The following FCHO1 variants were observed in gnomAD, a reference collection of about 807,000 sequenced individuals.
FCHO1 encodes F-BAR domain only protein 1.
FCHO1 carries 45 observed loss-of-function variants against 114.4 expected under a neutral mutation model. The ratio of observed to expected loss-of-function variants is 0.39; its 90% CI spans 0.31 to 0.50. The LOEUF is 0.50. FCHO1 is among the 20% of genes least tolerant of loss of function. The probability of loss-of-function intolerance (pLI) is 0.77; values close to 1 mark genes in which losing one functional copy is unlikely to be tolerated. For synonymous variants in FCHO1, 480 were observed against 488.9 expected (o/e 0.98, Z 0.24); for missense variants, 1,042 against 1,209.6 (o/e 0.86, Z 2.06).
At chr19:17,769,612 C>T (rs1432054557) in intron 7 of FCHO1, among the ~76,000 whole-genome samples, 3 of 149,692 alleles carry the variant, frequency 2.0e-5, no homozygotes, top group Non-Finnish European at 4.5e-5. Context: ...CACACACACA[C>T]ACACACACAC....
At chr19:17,755,626 A>T (rs2083211321) in intron 4 of FCHO1, 1 of 159,464 alleles carries the variant, frequency 6.3e-6, no homozygotes, top group African/African-American at 2.4e-5. Context: ...TCCAGGCTGG[A>T]GATCACCTCC....
At chr19:17,771,605 C>T (rs537583885) in intron 9 of FCHO1, among the ~76,000 whole-genome samples, 101 of 151,176 alleles carry the variant, frequency 6.7e-4, no homozygotes, top group African/African-American at 2.3e-3. Flanking sequence ...GGAGGCGGAG[C>T]TTGCAGTGAG....
intron 4 of FCHO1, among the ~76,000 whole-genome samples, chr19:17,758,143 A>T (rs949576412): frequency 8.5e-5 from 13 of 152,110 alleles, no homozygotes; most frequent in African/African-American, 2.9e-4. Flanking sequence ...TGAACCCAGG[A>T]GACAGAGCTT....
intron 4 of FCHO1, among the ~76,000 whole-genome samples, chr19:17,760,102 A>G (rs2085477872): frequency 6.7e-6 from 1 of 150,054 alleles, no homozygotes; most frequent in Admixed American, 6.7e-5. Flanking sequence ...CCCAGGCTGG[A>G]GTGCAATGGC....
At chr19:17,751,428 G>C (rs2081932551), upstream of FCHO1, 1 of 150,630 alleles carries the variant, frequency 6.6e-6, no homozygotes, top group Non-Finnish European at 1.5e-5. The surrounding 1 kb of genome is among the most constrained non-coding windows in gnomAD (Gnocchi z 4.4). Flanking sequence ...GTGGCGGTTG[G>C]ATGGTAGGCG....
upstream of FCHO1, among the ~76,000 whole-genome samples, chr19:17,748,766 T>C (rs2081223600): frequency 6.6e-6 from 1 of 152,188 alleles, no homozygotes; most frequent in African/African-American, 2.4e-5. Context: ...AGCACCTTTC[T>C]GAACCTCGGT....
At chr19:17,763,437 T>C (rs2087240377) in intron 5 of FCHO1, among the ~76,000 whole-genome samples, 1 of 151,816 alleles carries the variant, frequency 6.6e-6, no homozygotes, top group African/African-American at 2.4e-5. Flanking sequence ...CTAATTTTTT[T>C]ATTTTTAGTA....
chr19:17,784,068 C>T lies in FCHO1; in HGVS notation c.2094-35C>T. On this transcript the variant is annotated intron_variant, in intron 24 of 28. Transcript: ENST00000596536. This position sits in a 1 kb window ranked among gnomAD's most constrained non-coding sequence, Gnocchi z 5.3. ...GCTGGGAGCCCTGGGAGGGCATGTC[C>T]CGAGGATTGGGGTGATCAGTCCGGG... The T allele has an allele frequency of 6.3e-7, 1 of 1,594,098 alleles. No individual in the cohort carries two copies. The highest frequency in any genetic ancestry group is 8.6e-7 in the Non-Finnish European group (1 of 1,166,118).
At chr19:17,774,502 C>G (rs909074775) in intron 13 of FCHO1, 24 bp downstream of exon 13, 3 of 1,595,774 alleles carry the variant, frequency 1.9e-6, no homozygotes, top group Non-Finnish European at 2.6e-6. Flanking sequence ...CCTGCCCGGT[C>G]TGGCCCAGGC....
Position 17,776,195 on chromosome 19 carries a change from AG to A in FCHO1, c.1182+35del. On this transcript the variant is annotated intron_variant, in intron 16 of 28. Coordinates refer to ENST00000596536, the MANE Select transcript of FCHO1 (RefSeq NM_015122.3). The surrounding 1 kb of genome is among the most constrained non-coding windows in gnomAD (Gnocchi z 4.4). Reference sequence around the variant, plus strand: ...TGGGAGGGGTGCCCTGGGTGTTGCTAGAGAGGCTGGCTGGATGCATTCGTGT... The same window carrying A: ...TGGGAGGGGTGCCCTGGGTGTTGCTAAGAGGCTGGCTGGATGCATTCGTGT... 4.3e-6 allele frequency: 7 copies of A among 1,614,038 alleles called. No individual in the cohort carries two copies. Among genetic ancestry groups the A allele is most frequent in the Non-Finnish European group, 5.9e-6 (7 of 1,179,974 alleles).
chr19:17,748,447 G>A (rs1433336636), upstream of FCHO1, among the ~76,000 whole-genome samples: 3 of 151,826 alleles, frequency 2.0e-5, no homozygotes, highest in Non-Finnish European at 4.4e-5. Context: ...GGTCACTGTG[G>A]GGTCCCCTGC....
intron 9 of FCHO1, among the ~76,000 whole-genome samples, 171 bp from the exon 10 acceptor site, chr19:17,772,286 G>A (rs2091807249): frequency 6.6e-6 from 1 of 152,186 alleles, no homozygotes; most frequent in South Asian, 2.1e-4. Flanking sequence ...GAATGGAAGT[G>A]CCTTTTCCTG....
chr19:17,770,678 T>G lies in FCHO1; in HGVS notation c.489+101T>G. ...ATCCCAGAGCGACGGTCCTGGAACC[T>G]GTGGGTGATCACACCCTGGGTACCC... On this transcript the variant is annotated intron_variant, in intron 8 of 28. Transcript: ENST00000596536. 3.2e-6 allele frequency: 5 copies of G among 1,578,662 alleles called. No homozygotes were observed. The Admixed American group carries it at 8.6e-5, about 27-fold the overall frequency.
intron 19 of FCHO1, 150 bp from the exon 20 acceptor site, chr19:17,778,459 C>T (rs2092932686): frequency 1.9e-5 from 18 of 932,534 alleles, no homozygotes; most frequent in Non-Finnish European, 2.5e-5. Flanking sequence ...AGAGGGAAGT[C>T]ACCAGAAGGT....
chr19:17,762,638 C>G (rs769704238), intron 4 of FCHO1, 124 bp from the exon 5 acceptor site: 3 of 772,298 alleles, frequency 3.9e-6, no homozygotes, highest in Non-Finnish European at 7.1e-6. Context: ...AGCTGATTCG[C>G]TCAGGCCCGA....
intron 18 of FCHO1, among the ~76,000 whole-genome samples, chr19:17,777,450 C>T (rs905526926): frequency 3.5e-5 from 5 of 142,442 alleles, no homozygotes; most frequent in African/African-American, 1.1e-4. Context: ...GCAGGAGAAT[C>T]GCTTGAACCT....
chr19:17,774,116 C>T (rs978375776), intron 11 of FCHO1, 123 bp from the exon 12 acceptor site: 3 of 828,730 alleles, frequency 3.6e-6, no homozygotes, highest in African/African-American at 1.7e-5. Context: ...ACCATGGTGG[C>T]CAGGCTGGTC....
Position 17,788,377 on chromosome 19 carries a change from C to A in FCHO1, c.*71C>A. On this transcript the variant is annotated 3_prime_UTR_variant, in exon 29 of 29. Coordinates refer to ENST00000596536, the MANE Select transcript of FCHO1 (RefSeq NM_015122.3). ...GGCTGACCACCCCCTGCCCTCCTGC[C>A]GGACCCTGGGGCCTCCCACCCCAGC... The A allele has an allele frequency of 1.6e-6, 2 of 1,237,264 alleles. No homozygotes were observed. The highest frequency in any genetic ancestry group is 2.3e-6 in the Non-Finnish European group (2 of 852,950). 76.6% of individuals were successfully genotyped at this position (1,237,264 alleles called of 1,614,324 possible).
At position 17,776,184 on chromosome 19, in the gene FCHO1, T is replaced by C; in HGVS notation, c.1182+23T>C. 6.2e-7 allele frequency: 1 copy of C among 1,614,022 alleles called. No homozygotes were observed. Among genetic ancestry groups the C allele is most frequent in the Non-Finnish European group, 8.5e-7 (1 of 1,179,962 alleles). ...GGGGTGAGGCGTGGGAGGGGTGCCC[T>C]GGGTGTTGCTAGAGAGGCTGGCTGG... On this transcript the variant is annotated intron_variant, in intron 16 of 28. Coordinates refer to ENST00000596536, the MANE Select transcript of FCHO1 (RefSeq NM_015122.3). The surrounding 1 kb of genome is among the most constrained non-coding windows in gnomAD (Gnocchi z 4.4).
Sources: gnomAD v4.1 joint callset for allele counts (sites outside exome capture counted in the v4.1 genomes callset) on GRCh38, gnomAD v4.1.1 for gene constraint, Gnocchi (gnomAD v3.1) non-coding constraint, MANE v1.5 for transcripts, NCBI Gene and HGNC (gene_info 2026-07-23, HGNC 2026-07-21) for gene names.